Variants in TRAF3 observed in about 807,000 individuals in gnomAD.
TRAF3 encodes the protein TNF receptor-associated factor 3.
A neutral mutation model predicts 62.3 loss-of-function variants in TRAF3; 13 were observed. The observed-to-expected ratio is 0.21, with a 90% CI of 0.14 to 0.33. The LOEUF (loss-of-function observed/expected upper bound fraction) is 0.33, where lower values mean the gene tolerates loss of function less well. Among genes scored for constraint, TRAF3 ranks in the 10% least tolerant of loss-of-function variants. The pLI, the probability that TRAF3 is intolerant of heterozygous loss-of-function variation, is 1.00. For synonymous variants in TRAF3, 269 were observed against 283.4 expected (o/e 0.95, Z 0.51); for missense variants, 440 against 741.8 (o/e 0.59, Z 4.73).
At chr14:102,867,178 C>T (rs193134394) in intron 2 of TRAF3, among the ~76,000 whole-genome samples, 5 of 152,266 alleles carry the variant, frequency 3.3e-5, no homozygotes, top group South Asian at 4.1e-4. Flanking sequence ...TACACACCAG[C>T]GACTCCTCTC....
rs575231771 is a variant in TRAF3 at position 102,833,629 on chromosome 14, G to A, written c.-18+3157G>A. 1.7e-3 allele frequency among the ~76,000 whole-genome samples: 263 copies of A among 152,292 alleles called. 1 individual carries two copies. The highest frequency in any genetic ancestry group is 6.2e-3 in the African/African-American group (256 of 41,548). On this transcript the variant is annotated intron_variant, in intron 2 of 11. Transcript: ENST00000392745. The stretch of plus-strand genomic sequence containing the variant: ...AGTGCTTTTGATATTTTAATTTATA[G>A]GCAATTCTTTTAAGTTTCATTTTTC...
intron 2 of TRAF3, among the ~76,000 whole-genome samples, chr14:102,846,442 A>G (rs1259588175): frequency 6.6e-6 from 1 of 152,118 alleles, no homozygotes; most frequent in East Asian, 1.9e-4. Context: ...TCTGGTTTTT[A>G]TATAAGTTAT....
chr14:102,861,858 G>A (rs1216685771), intron 2 of TRAF3, among the ~76,000 whole-genome samples: 2 of 152,150 alleles, frequency 1.3e-5, no homozygotes, highest in African/African-American at 4.8e-5. Context: ...TTGGAGAAAC[G>A]TTTATACAGA....
At chr14:102,802,376 A>C (rs1317615434) in intron 1 of TRAF3, among the ~76,000 whole-genome samples, 1 of 132,930 alleles carries the variant, frequency 7.5e-6, no homozygotes, top group Non-Finnish European at 1.6e-5. Flanking sequence ...GGATGGTCTC[A>C]ATCTCCTGAC....
At chr14:102,782,025 G>C (rs568133796) in intron 1 of TRAF3, among the ~76,000 whole-genome samples, 1 of 151,756 alleles carries the variant, frequency 6.6e-6, no homozygotes, top group African/African-American at 2.4e-5. Context: ...AACTCCAGAC[G>C]TCAAGTGATC....
intron 1 of TRAF3, among the ~76,000 whole-genome samples, chr14:102,817,947 A>T (rs988980889): frequency 6.6e-6 from 1 of 152,168 alleles, no homozygotes; most frequent in Admixed American, 6.5e-5. Context: ...CCATTTGTGC[A>T]TCTTAATAGT....
intron 1 of TRAF3, among the ~76,000 whole-genome samples, chr14:102,815,639 A>G (rs979045379): frequency 6.6e-6 from 1 of 152,230 alleles, no homozygotes; most frequent in Non-Finnish European, 1.5e-5. Flanking sequence ...TGAAGGGACT[A>G]CTTGTATTAG....
intron 2 of TRAF3, among the ~76,000 whole-genome samples, chr14:102,864,336 G>A (rs1887856828): frequency 1.3e-5 from 2 of 151,928 alleles, no homozygotes; most frequent in Non-Finnish European, 2.9e-5. Flanking sequence ...TTTTAGTAGA[G>A]ATGGGGTTTC....
chr14:102,789,175 A>G (rs1386107912), intron 1 of TRAF3, among the ~76,000 whole-genome samples: 1 of 152,028 alleles, frequency 6.6e-6, no homozygotes, highest in Non-Finnish European at 1.5e-5. Context: ...GGTACATCCA[A>G]ATTGTAGCAT....
At position 102,903,078 on chromosome 14, in the gene TRAF3, G is replaced by T. The variant is rs1225207745; in HGVS notation, c.961-177G>T. 1 of 801,774 alleles carries T rather than the reference G, an allele frequency of 1.2e-6. No individual in the cohort carries two copies. The highest frequency in any genetic ancestry group is 2.7e-5 in the East Asian group (1 of 37,556). The allele number at this position is 801,774 out of a possible 1,614,324, so 49.7% of individuals were successfully genotyped here. A position where few individuals can be genotyped will look rare whatever the true frequency, so the allele number is the denominator to read the frequency against. On this transcript the variant is annotated intron_variant, in intron 10 of 11. Transcript: ENST00000392745. This position sits in a 1 kb window ranked among gnomAD's most constrained non-coding sequence, Gnocchi z 6.4. ...GCCGGCACAAGCACTTGATCCCAGG[G>T]AGCTCCCAGGAGGCCTGATGCAGAG...
At chr14:102,879,456 C>T (rs955855272) in intron 6 of TRAF3, among the ~76,000 whole-genome samples, 2 of 151,940 alleles carry the variant, frequency 1.3e-5, no homozygotes, top group Non-Finnish European at 2.9e-5. Flanking sequence ...CAGGGTCTTG[C>T]CATGTTGCCC....
rs531919799 is a variant in TRAF3, at chr14:102,822,193, A to G, written c.-156-8141A>G. ...GAAAATGTTAAATGGATGCAACACT[A>G]TAAGATTTTCCACAGAAATATGTTA... On this transcript the variant is annotated intron_variant, in intron 1 of 11. Coordinates refer to ENST00000392745, the MANE Select transcript of TRAF3 (RefSeq NM_145725.3). 3.9e-5 allele frequency among the ~76,000 whole-genome samples: 6 copies of G among 152,370 alleles called. No homozygotes were observed. The East Asian group carries it at 7.7e-4, about 20-fold the overall frequency.
chr14:102,906,269 A>G lies in TRAF3; in HGVS notation c.*485A>G, dbSNP rs892994051. 1.3e-5 allele frequency: 2 copies of G among 157,736 alleles called. No individual in the cohort carries two copies. Among genetic ancestry groups the G allele is most frequent in the Admixed American group, 6.1e-5 (1 of 16,434 alleles). The allele number at this position is 157,736 out of a possible 1,614,324, so 9.8% of individuals were successfully genotyped here. On this transcript the variant is annotated 3_prime_UTR_variant, in exon 12 of 12. Transcript: ENST00000392745. ...AGTGCAATTTTGTTTCAAATACAGT[A>G]TATTGTCTATTTTTAAGGCCTCATC... is the stretch of plus-strand genomic sequence containing the variant.
intron 1 of TRAF3, among the ~76,000 whole-genome samples, chr14:102,814,367 A>C (rs1899385250): frequency 1.3e-5 from 2 of 152,156 alleles, no homozygotes; most frequent in African/African-American, 4.8e-5. Context: ...AAGGTTTGGT[A>C]GTGTGATACC....
At chr14:102,873,703 G>A (rs1193278763) in intron 4 of TRAF3, among the ~76,000 whole-genome samples, 1 of 152,108 alleles carries the variant, frequency 6.6e-6, no homozygotes, top group African/African-American at 2.4e-5. Flanking sequence ...TGAGTAAATA[G>A]TCTCAGATCC....
At chr14:102,873,630 C>T (rs1404280867) in intron 4 of TRAF3, among the ~76,000 whole-genome samples, 3 of 152,156 alleles carry the variant, frequency 2.0e-5, no homozygotes, top group African/African-American at 7.2e-5. Flanking sequence ...CGGATCCTCA[C>T]CCGTCAGCAG....
At chr14:102,812,812 A>G (rs536817412) in intron 1 of TRAF3, among the ~76,000 whole-genome samples, 1 of 149,934 alleles carries the variant, frequency 6.7e-6, no homozygotes. Flanking sequence ...CCAGCTACTC[A>G]GGAGGCTGAG....
chr14:102,810,884 A>G (rs767788041), intron 1 of TRAF3: 5 of 152,358 alleles, frequency 3.3e-5, no homozygotes, highest in Non-Finnish European at 4.4e-5. Flanking sequence ...AGTCCATTAC[A>G]CATTCTGGAT....
At chr14:102,899,451 T>A (rs1890167275) in intron 10 of TRAF3, among the ~76,000 whole-genome samples, 1 of 152,162 alleles carries the variant, frequency 6.6e-6, no homozygotes, top group African/African-American at 2.4e-5. Context: ...CGTAAAATCT[T>A]ACTGTGGCCC....
Sources: allele counts gnomAD v4.1 joint callset (sites outside exome capture counted in the v4.1 genomes callset), GRCh38; gene constraint gnomAD v4.1.1; non-coding constraint Gnocchi (gnomAD v3.1); transcripts MANE v1.5; gene names NCBI Gene and HGNC (gene_info 2026-07-23, HGNC 2026-07-21).